Variants in VPS13C observed in about 807,000 individuals in gnomAD.
The protein encoded by VPS13C is intermembrane lipid transfer protein VPS13C.
A neutral mutation model predicts 456.8 loss-of-function variants in VPS13C; 358 were observed. That is an observed-to-expected ratio of 0.78 (90% CI 0.72 to 0.86). VPS13C has a LOEUF of 0.86. Ranked by LOEUF, VPS13C falls within the 40% of genes least tolerant of loss-of-function variation. The probability of loss-of-function intolerance (pLI) is 0.00; values close to 1 mark genes in which losing one functional copy is unlikely to be tolerated. For missense variants in VPS13C, 4,818 were observed against 4,385.4 expected (o/e 1.10, Z -2.79); for synonymous variants, 1,578 against 1,486.7 (o/e 1.06, Z -1.41).
chr15:62,007,454 G>A lies in VPS13C; in HGVS notation c.1144C>T (p.Leu382Phe). 6.3e-7 allele frequency: 1 copy of A among 1,589,728 alleles called. No individual in the cohort carries two copies. Among genetic ancestry groups the A allele is most frequent in the East Asian group, 2.3e-5 (1 of 44,008 alleles). The part of the protein sequence containing the change: ...RWWKYAIDSV[L>F]EVHIRRYTQM... ...GTATACCTTCTTATATGAACTTCAA[G>A]AACAGAATCAATTGCATATTTCCAC... Residue 382 changes from leucine (L) to phenylalanine (F), a missense_variant, in exon 15 of 85, where the codon CTT becomes TTT. Around this residue, in one of 3 missense-constraint regions of VPS13C, gnomAD observed 4,552 missense variants for 4,130.6 expected, o/e 1.10. Transcript: ENST00000644861.
At chr15:61,954,638 G>A (rs181644846) in intron 37 of VPS13C, 84 bp from the exon 38 acceptor site, 17,405 of 1,368,764 alleles carry the variant, frequency 0.013, 149 homozygotes, top group Middle Eastern at 0.029. Context: ...GAGTATTCTG[G>A]ACCTGGTAGA....
chr15:61,961,884 T>A lies in VPS13C; in HGVS notation c.3613A>T (p.Asn1205Tyr), dbSNP rs199794907. ...GACTCTTTGGCTGTCTGGAAATTATTCAGGAAGTTCTGTGGACACAAAGCA... is the reference window on the plus strand; with the variant it reads ...GACTCTTTGGCTGTCTGGAAATTATACAGGAAGTTCTGTGGACACAAAGCA... Reference protein sequence around the residue: ...KFLMSLLNFLNNFQTAKESLS... With the variant: ...KFLMSLLNFLYNFQTAKESLS... The change falls in exon 35 of 85, where the codon AAT becomes TAT. Residue 1205 changes from asparagine (N) to tyrosine (Y), a missense_variant. Asn to Tyr is a moderately radical substitution (Grantham distance 143, BLOSUM62 -2). Coordinates refer to ENST00000644861, the MANE Select transcript of VPS13C (RefSeq NM_020821.3). The A allele has an allele frequency of 5.6e-6, 9 of 1,610,404 alleles. No homozygotes were observed. The highest frequency in any genetic ancestry group is 7.6e-6 in the Non-Finnish European group (9 of 1,178,390).
At position 61,880,875 on chromosome 15, in the gene VPS13C, G is replaced by A; in HGVS notation, c.9856C>T (p.Pro3286Ser). 6.2e-7 allele frequency: 1 copy of A among 1,608,838 alleles called. No homozygotes were observed. Among genetic ancestry groups the A allele is most frequent in the East Asian group, 2.2e-5 (1 of 44,622 alleles). The stretch of plus-strand genomic sequence containing the variant: ...CTTTCAGCTTCAGGGTCTGTTGTTG[G>A]GGTAAACAGTGCAATAATAGCTCCT... ...FLGAIIALFT[P>S]TTDPEAERRR... The change falls in exon 72 of 85, where the codon CCA becomes TCA. Residue 3286 changes from proline (P) to serine (S), a missense_variant. Transcript: ENST00000644861.
Position 61,966,152 on chromosome 15 carries a change from GA to G in VPS13C, c.2992-11del. On this transcript the variant is annotated splice_polypyrimidine_tract_variant and intron_variant, in intron 29 of 84. Coordinates refer to ENST00000644861, the MANE Select transcript of VPS13C (RefSeq NM_020821.3). ...GTCCATTCTTATCAGCCTGAAAAAA[GA>G]AGTAAAAGTTCTAAAGAAGGTACTA... is the stretch of plus-strand genomic sequence containing the variant. 6.3e-7 allele frequency: 1 copy of G among 1,595,180 alleles called. No individual in the cohort carries two copies. The highest frequency in any genetic ancestry group is 1.1e-5 in the South Asian group (1 of 87,368).
At chr15:61,962,879 T>C in intron 32 of VPS13C, 27 bp from the exon 33 acceptor site, 1 of 1,468,006 alleles carries the variant, frequency 6.8e-7, no homozygotes, top group Non-Finnish European at 9.4e-7. Flanking sequence ...ATTATTATAA[T>C]TTCTACAGAC....
intron 20 of VPS13C, 61 bp downstream of exon 20, chr15:61,983,759 A>C (rs1268789453): frequency 6.6e-7 from 1 of 1,509,502 alleles, no homozygotes; most frequent in Non-Finnish European, 9.0e-7. Flanking sequence ...AGAAATAAGA[A>C]AACAGTATGT....
intron 52 of VPS13C, 98 bp downstream of exon 52, chr15:61,926,993 C>A (rs1003745205): frequency 2.1e-5 from 22 of 1,065,970 alleles, no homozygotes; most frequent in Non-Finnish European, 3.0e-5. Context: ...AATAAATAAT[C>A]TCTAAAGTCC....
intron 73 of VPS13C, among the ~76,000 whole-genome samples, chr15:61,879,105 A>G (rs1428772116): frequency 6.6e-6 from 1 of 152,114 alleles, no homozygotes; most frequent in Non-Finnish European, 1.5e-5. Context: ...AATACAGATA[A>G]TAACAATAAC....
rs1222983967 is a variant in VPS13C at position 61,907,298 on chromosome 15, T to C, written c.9071A>G (p.Tyr3024Cys). Reference protein sequence around the residue: ...PTGTRKLTWTYAANVGEHDLL... With the variant: ...PTGTRKLTWTCAANVGEHDLL... ...ATCATGTTCCCCAACATTTGCTGCA[T>C]ATGTCCATGTAAGTTTTCTGGTACC... Residue 3024 changes from tyrosine to cysteine, a missense_variant, in exon 66 of 85, where the codon TAT (tyrosine) becomes TGT (cysteine). Tyr to Cys is a radical substitution (Grantham distance 194). This residue lies in a region of VPS13C where 4,552 missense variants were observed against 4,130.6 expected (regional missense o/e 1.10). Transcript: ENST00000644861. 5.0e-6 allele frequency: 8 copies of C among 1,613,996 alleles called. No individual in the cohort carries two copies. The highest frequency in any genetic ancestry group is 6.8e-6 in the Non-Finnish European group (8 of 1,179,854).
chr15:61,874,977 CTTA>C (rs1895308426), intron 76 of VPS13C, 26 bp from the exon 77 acceptor site: 2 of 1,515,736 alleles, frequency 1.3e-6, no homozygotes, highest in African/African-American at 1.4e-5. Flanking sequence ...AAAAAATAAT[CTTA>C]TTATTTAAAA....
At chr15:61,950,205 C>G (rs1341837572) in intron 41 of VPS13C, among the ~76,000 whole-genome samples, 153 bp downstream of exon 41, 4 of 152,130 alleles carry the variant, frequency 2.6e-5, no homozygotes, top group African/African-American at 4.8e-5. Flanking sequence ...TATTCCAATT[C>G]TAGTATCTAC....
intron 52 of VPS13C, 145 bp downstream of exon 52, chr15:61,926,946 G>C: frequency 1.4e-5 from 10 of 728,758 alleles, no homozygotes; most frequent in Non-Finnish European, 2.2e-5. Flanking sequence ...AACATCTTTG[G>C]AATTCAATAT....
chr15:61,868,562 T>C lies in VPS13C; in HGVS notation c.10863+97A>G. ...AAACTATGTATAATACTTAAAGCAG[T>C]TCAAGAATCAGGAACTTTAAGAACC... On this transcript the variant is annotated intron_variant, in intron 81 of 84. Transcript: ENST00000644861. 4.1e-6 allele frequency: 4 copies of C among 974,960 alleles called. No homozygotes were observed. In the South Asian group the frequency reaches 5.7e-5, roughly 14 times the overall value. 60.4% of individuals were successfully genotyped at this position (974,960 alleles called of 1,614,324 possible).
intron 47 of VPS13C, among the ~76,000 whole-genome samples, chr15:61,938,789 G>A (rs1004561512): frequency 1.3e-5 from 2 of 152,068 alleles, no homozygotes; most frequent in Non-Finnish European, 2.9e-5. Flanking sequence ...AGATATAGCA[G>A]AAGCCCCGTG....
chr15:62,033,611 G>C, intron 4 of VPS13C, 69 bp from the exon 5 acceptor site: 1 of 1,136,222 alleles, frequency 8.8e-7, no homozygotes, highest in Non-Finnish European at 1.2e-6. Context: ...AAAAAGTTCA[G>C]CCTCATTAGG....
intron 3 of VPS13C, among the ~76,000 whole-genome samples, chr15:62,036,691 TA>T (rs2048010841): frequency 6.6e-6 from 1 of 152,066 alleles, no homozygotes; most frequent in African/African-American, 2.4e-5. Context: ...TCCCTTTAAC[TA>T]GCATACAGAA....
At chr15:61,913,915 ATACGAAAAAT>A (rs2043380724) in intron 61 of VPS13C, among the ~76,000 whole-genome samples, 1 of 152,176 alleles carries the variant, frequency 6.6e-6, no homozygotes, top group Non-Finnish European at 1.5e-5. Context: ...TAGGAAATAC[ATACGAAAAAT>A]TATGATACAA....
Position 61,922,257 on chromosome 15 carries a change from C to T in VPS13C, c.6975+140G>A, listed in dbSNP as rs564066041. On this transcript the variant is annotated intron_variant, in intron 54 of 84. Transcript: ENST00000644861. ...AAATAATTATCAAAAAACAATACAT[C>T]GACAAATTAAATGTCAGAACACACT... 14 of 1,188,788 alleles carry T rather than the reference C, an allele frequency of 1.2e-5. 1 individual carries two copies. The highest frequency in any genetic ancestry group is 2.4e-4 in the Middle Eastern group (1 of 4,162). 73.6% of individuals were successfully genotyped at this position (1,188,788 alleles called of 1,614,324 possible).
intron 15 of VPS13C, among the ~76,000 whole-genome samples, chr15:62,005,088 G>A (rs1468801407): frequency 1.3e-5 from 2 of 152,002 alleles, no homozygotes; most frequent in African/African-American, 4.8e-5. Context: ...TTGACTTTCT[G>A]TCTCGTTGAT....
Sources: allele counts gnomAD v4.1 joint callset (sites outside exome capture counted in the v4.1 genomes callset), GRCh38; gene constraint gnomAD v4.1.1; regional missense constraint gnomAD v4.1.1; transcripts MANE v1.5; gene names NCBI Gene and HGNC (gene_info 2026-07-23, HGNC 2026-07-21).